TTC39C: variants seen among roughly 807,000 people sequenced by gnomAD.
TTC39C encodes the protein tetratricopeptide repeat domain 39C, also known as tetratricopeptide repeat protein 39C.
TTC39C carries 33 observed loss-of-function variants against 76.3 expected under a neutral mutation model. The observed-to-expected ratio is 0.43, with a 90% CI of 0.33 to 0.58. The LOEUF (loss-of-function observed/expected upper bound fraction) is 0.58, where lower values mean the gene tolerates loss of function less well. Among genes scored for constraint, TTC39C ranks in the 20% least tolerant of loss-of-function variants. The pLI is 0.04. For missense variants in TTC39C, 595 were observed against 701.4 expected (o/e 0.85, Z 1.71); for synonymous variants, 254 against 260.6 (o/e 0.97, Z 0.24).
At chr18:24,001,823 G>GTTT (rs750295981) in intron 1 of TTC39C, among the ~76,000 whole-genome samples, 766 of 57,442 alleles carry the variant, frequency 0.013, 50 homozygotes, top group African/African-American at 0.022. Context: ...CGGTAATTCT[G>GTTT]TTTTTTTTTT....
rs896492603 is a variant in TTC39C at position 24,032,114 on chromosome 18, G to A, written c.167+17076G>A. On this transcript the variant is annotated intron_variant, in intron 1 of 13. Transcript: ENST00000317571. ...ACCAGAGGATGGAAGAGGCATGGCA[G>A]GGACTCACCCCTAGAGCCTCCCCAG... 3.9e-5 allele frequency among the ~76,000 whole-genome samples: 6 copies of A among 152,328 alleles called. No homozygotes were observed. In the South Asian group the frequency reaches 1.2e-3, roughly 32 times the overall value.
chr18:24,056,476 TACTC>T (rs2084018156), intron 1 of TTC39C, among the ~76,000 whole-genome samples: 1 of 152,174 alleles, frequency 6.6e-6, no homozygotes, highest in African/African-American at 2.4e-5. Flanking sequence ...TAAAGAAACA[TACTC>T]AGTGAGGGAC....
At chr18:24,093,547 G>C (rs376573072) in intron 6 of TTC39C, among the ~76,000 whole-genome samples, 24 of 151,952 alleles carry the variant, frequency 1.6e-4, no homozygotes, top group African/African-American at 5.5e-4. Flanking sequence ...TTTTTCTTCG[G>C]ATATAAGCTA....
intron 1 of TTC39C, among the ~76,000 whole-genome samples, chr18:24,041,831 T>G (rs1212778331): frequency 6.6e-6 from 1 of 152,250 alleles, no homozygotes; most frequent in Non-Finnish European, 1.5e-5. Flanking sequence ...TTTGCCATAT[T>G]CACTTCTGAT....
rs2084396467 is a variant in TTC39C at position 24,083,041 on chromosome 18, C to G, written c.944C>G (p.Ser315Cys). ...AAAGAAGCTGCTTATCCAAATTCTT[C>G]CCTCTTTATGTTTTTCAAGGGACGG... ...LKKEAAYPNS[S>C]LFMFFKGRIQ... The change falls in exon 6 of 14, where the codon TCC becomes TGC. Residue 315 changes from serine (S) to cysteine (C), a missense_variant. Coordinates refer to ENST00000317571, the MANE Select transcript of TTC39C (RefSeq NM_001135993.2). 1 of 1,613,956 alleles carries G rather than the reference C, an allele frequency of 6.2e-7. No homozygotes were observed. Among genetic ancestry groups the G allele is most frequent in the South Asian group, 1.1e-5 (1 of 91,076 alleles).
upstream of TTC39C, among the ~76,000 whole-genome samples, chr18:24,013,492 T>C (rs1034741725): frequency 6.6e-6 from 1 of 152,376 alleles, no homozygotes. Context: ...ACTTATTATA[T>C]TGGTCCCATG....
In TTC39C at chr18:24,118,143, A is replaced by G. The variant is rs1568444227; in HGVS notation, c.1097A>G (p.Glu366Gly). Residue 366 changes from glutamate (E) to glycine (G), a missense_variant, in exon 8 of 14, where the codon GAG becomes GGG. Transcript: ENST00000317571. ...LYEIGWCSMI[E>G]LNFKDAFDSF... ...TTCATAGGTTGGTGCAGCATGATAG[A>G]GCTCAATTTCAAGGATGCATTTGAT... 1.2e-6 allele frequency: 2 copies of G among 1,613,870 alleles called. No individual in the cohort carries two copies. The highest frequency in any genetic ancestry group is 1.7e-6 in the Non-Finnish European group (2 of 1,179,898).
At chr18:24,018,394 C>T (rs1469345458) in intron 1 of TTC39C, among the ~76,000 whole-genome samples, 1 of 151,808 alleles carries the variant, frequency 6.6e-6, no homozygotes, top group Non-Finnish European at 1.5e-5. Flanking sequence ...CACACACACA[C>T]ACTCATTCCC....
intron 11 of TTC39C, 124 bp downstream of exon 11, chr18:24,129,107 A>G: frequency 1.7e-6 from 1 of 598,112 alleles, no homozygotes; most frequent in East Asian, 3.3e-5. Context: ...ACTTTATCCA[A>G]TTATTTGATT....
intron 9 of TTC39C, chr18:24,124,249 T>C: frequency 4.8e-6 from 1 of 207,824 alleles, no homozygotes; most frequent in Non-Finnish European, 9.5e-6. Flanking sequence ...TAGCAAAAGG[T>C]GAAAGATATA....
intron 1 of TTC39C, among the ~76,000 whole-genome samples, chr18:24,043,256 G>A (rs1437593407): frequency 2.0e-5 from 3 of 152,140 alleles, no homozygotes; most frequent in Admixed American, 6.5e-5. Flanking sequence ...CAGCTATTTG[G>A]GAGGCTGAGG....
intron 1 of TTC39C, among the ~76,000 whole-genome samples, chr18:24,045,908 TATATATATATATATATATA>T (rs1488768225): frequency 4.4e-4 from 17 of 38,536 alleles, no homozygotes; most frequent in South Asian, 3.5e-3. Flanking sequence ...TATATATATA[TATATATATATATATATATA>T]TTTTTTTTTT....
At chr18:23,995,218 AG>A (rs2083251730) in intron 1 of TTC39C, among the ~76,000 whole-genome samples, 1 of 152,208 alleles carries the variant, frequency 6.6e-6, no homozygotes, top group Non-Finnish European at 1.5e-5. Flanking sequence ...ATGTAATTCT[AG>A]CACTTTGGGA....
intron 10 of TTC39C, among the ~76,000 whole-genome samples, chr18:24,126,426 TAAAA>T (rs35976434): frequency 2.7e-5 from 3 of 110,068 alleles, no homozygotes; most frequent in East Asian, 2.7e-4. Flanking sequence ...CCTATTTCTT[TAAAA>T]AAAAAAAAAA....
chr18:23,999,866 A>T (rs1036289953), intron 1 of TTC39C, among the ~76,000 whole-genome samples: 2 of 152,248 alleles, frequency 1.3e-5, no homozygotes, highest in Non-Finnish European at 2.9e-5. Flanking sequence ...CTAATGTTGT[A>T]TCGGAGTATC....
chr18:24,113,779 G>C, intron 6 of TTC39C: 1 of 682,910 alleles, frequency 1.5e-6, no homozygotes, highest in Non-Finnish European at 2.7e-6. Context: ...GGCAGACCCT[G>C]AGTGACATCT....
chr18:24,046,389 A>G (rs1443584543), intron 1 of TTC39C, among the ~76,000 whole-genome samples: 1 of 151,854 alleles, frequency 6.6e-6, no homozygotes, highest in Non-Finnish European at 1.5e-5. Context: ...GATTATATCC[A>G]CATAAGGCAG....
chr18:24,078,738 G>GGCATCCCTACCTT (rs1555774113), intron 4 of TTC39C, among the ~76,000 whole-genome samples: 2 of 152,156 alleles, frequency 1.3e-5, no homozygotes, highest in African/African-American at 2.4e-5. Context: ...CGATCATGTA[G>GGCATCCCTACCTT]GCACATAGAC....
upstream of TTC39C, among the ~76,000 whole-genome samples, chr18:24,011,059 G>A (rs1427190914): frequency 3.3e-5 from 5 of 152,102 alleles, no homozygotes; most frequent in Non-Finnish European, 4.4e-5. Flanking sequence ...GAAAAAAACC[G>A]AATGTAATTC....
Sources: allele counts gnomAD v4.1 joint callset (sites outside exome capture counted in the v4.1 genomes callset), GRCh38; gene constraint gnomAD v4.1.1; transcripts MANE v1.5; gene names NCBI Gene and HGNC (gene_info 2026-07-23, HGNC 2026-07-21).